The following GNG4 variants were observed in gnomAD, a reference collection of about 807,000 sequenced individuals.
The protein encoded by GNG4 is G protein subunit gamma 4.
Under a neutral mutation model 5.8 loss-of-function variants are expected in GNG4, and 4 were observed. That is an observed-to-expected ratio of 0.69 (90% CI 0.34 to 1.57). The LOEUF (loss-of-function observed/expected upper bound fraction) is 1.57. Among genes scored for constraint, GNG4 ranks in the 40% most tolerant of loss-of-function variants. The pLI, the probability that GNG4 is intolerant of heterozygous loss-of-function variation, is 0.06. For missense variants in GNG4, 96 were observed against 95.1 expected, an observed-to-expected ratio of 1.01 and a Z score of -0.04; for synonymous variants, 29 against 32.9, an observed-to-expected ratio of 0.88 and a Z score of 0.41.
At chr1:235,582,423 G>T (rs1011765978) in intron 3 of GNG4, among the ~76,000 whole-genome samples, 3 of 152,230 alleles carry the variant, frequency 2.0e-5, no homozygotes, top group Non-Finnish European at 2.9e-5. Context: ...GCCAGCCATA[G>T]CTCACAACTC....
chr1:235,609,610 T>G (rs1463781714), intron 1 of GNG4, among the ~76,000 whole-genome samples: 1 of 152,162 alleles, frequency 6.6e-6, no homozygotes, highest in Non-Finnish European at 1.5e-5. Flanking sequence ...GTTGCAAGTA[T>G]AGCATAAAGA....
chr1:235,609,672 A>C (rs1395418714), intron 1 of GNG4, among the ~76,000 whole-genome samples: 1 of 152,070 alleles, frequency 6.6e-6, no homozygotes, highest in Non-Finnish European at 1.5e-5. Flanking sequence ...TAGCACTTTG[A>C]GAGGCCAAGG....
intron 3 of GNG4, among the ~76,000 whole-genome samples, chr1:235,570,989 T>G (rs780162609): frequency 7.7e-6 from 1 of 129,274 alleles, no homozygotes; most frequent in South Asian, 2.4e-4. Context: ...TTTGAAGAGA[T>G]AGGGTTTTGC....
chr1:235,630,750 G>A (rs1382000395), intron 1 of GNG4, among the ~76,000 whole-genome samples: 4 of 152,160 alleles, frequency 2.6e-5, no homozygotes, highest in African/African-American at 9.7e-5. Flanking sequence ...TACTGTAGCT[G>A]GTGTTAGAAA....
At chr1:235,645,921 G>A (rs983565898) in intron 1 of GNG4, among the ~76,000 whole-genome samples, 2 of 152,214 alleles carry the variant, frequency 1.3e-5, no homozygotes, top group East Asian at 3.9e-4. Context: ...CAGAAGACAA[G>A]GCCTTACAGC....
At position 235,588,024 on chromosome 1, in the gene GNG4, C is replaced by T. The variant is rs550226053; in HGVS notation, c.-10-4176G>A. On this transcript the variant is annotated intron_variant, in intron 2 of 3. Transcript: ENST00000391854. ...AAGCAGCAGAGCCGACTCTCAGTCC[C>T]GTCAGGCCCCTGCAGCTGCGCCCAC... Among the ~76,000 whole-genome samples, 40 of 151,810 alleles carry T rather than the reference C, an allele frequency of 2.6e-4. 1 individual carries two copies. Among genetic ancestry groups the T allele is most frequent in the South Asian group, 2.1e-4 (1 of 4,826 alleles).
Position 235,585,408 on chromosome 1 carries a change from T to TA in GNG4, c.-10-1561dup, listed in dbSNP as rs200238277. 6.2e-3 allele frequency among the ~76,000 whole-genome samples: 948 copies of TA among 152,322 alleles called. 11 individuals are homozygous for TA. Among genetic ancestry groups the TA allele is most frequent in the African/African-American group, 0.022 (898 of 41,560 alleles). On this transcript the variant is annotated intron_variant, in intron 2 of 3. Coordinates refer to ENST00000391854, the MANE Select transcript of GNG4 (RefSeq NM_001098722.2). ...GTGTGTGCCGCCATGCCTGGCTAAT[T>TA]AAAAAATTTTTTTTTGCTATGTTTC... is the stretch of plus-strand genomic sequence containing the variant.
chr1:235,575,866 C>T (rs1019462173), intron 3 of GNG4, among the ~76,000 whole-genome samples: 4 of 152,152 alleles, frequency 2.6e-5, no homozygotes, highest in African/African-American at 9.7e-5. Flanking sequence ...AGCCTGTGTC[C>T]TGACTCTGCC....
chr1:235,608,674 T>A (rs1254731011), intron 1 of GNG4, among the ~76,000 whole-genome samples: 1 of 133,228 alleles, frequency 7.5e-6, no homozygotes, highest in Non-Finnish European at 1.5e-5. Context: ...TTTTACTTAG[T>A]TTTTTATTTT....
intron 1 of GNG4, among the ~76,000 whole-genome samples, chr1:235,631,440 C>T (rs1276700118): frequency 6.6e-6 from 1 of 152,212 alleles, no homozygotes; most frequent in African/African-American, 2.4e-5. Flanking sequence ...GAAGCACCGT[C>T]CTGGAGCATG....
At chr1:235,605,956 G>A (rs1011598195) in intron 1 of GNG4, among the ~76,000 whole-genome samples, 18 of 80,704 alleles carry the variant, frequency 2.2e-4, no homozygotes, top group African/African-American at 5.0e-4. Context: ...TTGAGAGTGT[G>A]GGGGGGTGGG....
rs1045349562 is a variant in GNG4 at position 235,644,042 on chromosome 1, G to A, written c.-123+5620C>T. Among the ~76,000 whole-genome samples the A allele has an allele frequency of 1.3e-5, 2 of 152,172 alleles. No individual in the cohort carries two copies. The highest frequency in any genetic ancestry group is 4.8e-5 in the African/African-American group (2 of 41,432). ...GATCTGCCCGAGAGAGTCCCCAAAA[G>A]GCACAATTCTACAAGGTCAACCAAG... On this transcript the variant is annotated intron_variant, in intron 1 of 3. Coordinates refer to ENST00000391854, the MANE Select transcript of GNG4 (RefSeq NM_001098722.2). This position sits in a 1 kb window ranked among gnomAD's most constrained non-coding sequence, Gnocchi z 5.9.
chr1:235,615,421 C>T (rs6429199), intron 1 of GNG4: 5,304 of 154,692 alleles, frequency 0.034, 294 homozygotes, highest in African/African-American at 0.12. Flanking sequence ...GATACGATCT[C>T]CTCTATGTGA....
chr1:235,563,706 T>A (rs1024041309), intron 3 of GNG4, among the ~76,000 whole-genome samples: 5 of 152,214 alleles, frequency 3.3e-5, no homozygotes, highest in Admixed American at 6.5e-5. Flanking sequence ...ACATGTGACT[T>A]TGTTTCTGTC....
intron 1 of GNG4, among the ~76,000 whole-genome samples, chr1:235,604,553 A>T (rs1187489459): frequency 6.6e-6 from 1 of 152,180 alleles, no homozygotes; most frequent in African/African-American, 2.4e-5. Context: ...ATAACACTTG[A>T]CATTCAATCC....
intron 2 of GNG4, among the ~76,000 whole-genome samples, chr1:235,592,527 T>G (rs1385687321): frequency 6.6e-6 from 1 of 151,864 alleles, no homozygotes; most frequent in Non-Finnish European, 1.5e-5. Context: ...ATAAATAAAT[T>G]TCTTCCTGAG....
intron 3 of GNG4, among the ~76,000 whole-genome samples, chr1:235,570,744 CGA>C: frequency 6.6e-6 from 1 of 151,522 alleles, no homozygotes; most frequent in East Asian, 2.0e-4. Flanking sequence ...CATCCAGGCT[CGA>C]GTGCAGCGCC....
chr1:235,598,463 T>G (rs59751193), intron 1 of GNG4, among the ~76,000 whole-genome samples: 1 of 151,984 alleles, frequency 6.6e-6, no homozygotes, highest in Non-Finnish European at 1.5e-5. Context: ...TTAAAAATTA[T>G]CTGGGTGTGG....
intron 1 of GNG4, among the ~76,000 whole-genome samples, chr1:235,640,594 C>T (rs943845086): frequency 1.3e-5 from 2 of 152,256 alleles, no homozygotes; most frequent in South Asian, 2.1e-4. Context: ...TGCCAGACCA[C>T]GCATCAAGGC....
Sources: allele counts gnomAD v4.1 joint callset (sites outside exome capture counted in the v4.1 genomes callset), GRCh38; gene constraint gnomAD v4.1.1; non-coding constraint Gnocchi (gnomAD v3.1); transcripts MANE v1.5; gene names NCBI Gene and HGNC (gene_info 2026-07-23, HGNC 2026-07-21).